EXT2: variants seen among roughly 807,000 people sequenced by gnomAD.
EXT2 encodes exostosin glycosyltransferase 2.
Under a neutral mutation model 81.6 loss-of-function variants are expected in EXT2, and 53 were observed. That is an observed-to-expected ratio of 0.65 (90% confidence interval 0.52 to 0.82). EXT2 has a LOEUF of 0.82. Among genes scored for constraint, EXT2 ranks in the 40% least tolerant of loss-of-function variants. The pLI is 0.00. For missense variants in EXT2, 774 were observed against 910.2 expected (o/e 0.85, Z 1.93); for synonymous variants, 320 against 340.0 (o/e 0.94, Z 0.65).
chr11:44,111,107 TCTC>T (rs1954136436), intron 3 of EXT2, among the ~76,000 whole-genome samples: 1 of 152,176 alleles, frequency 6.6e-6, no homozygotes, highest in South Asian at 2.1e-4. Flanking sequence ...TGCTTTAAGA[TCTC>T]CTAAAGTTCA....
At chr11:44,211,454 G>A (rs1955647205) in intron 10 of EXT2, among the ~76,000 whole-genome samples, 1 of 152,128 alleles carries the variant, frequency 6.6e-6, no homozygotes, top group Non-Finnish European at 1.5e-5. Flanking sequence ...CTTGAAAAAA[G>A]AATGAAATTT....
At chr11:44,223,681 G>T (rs548140167) in intron 10 of EXT2, among the ~76,000 whole-genome samples, 2 of 146,644 alleles carry the variant, frequency 1.4e-5, no homozygotes, top group Admixed American at 6.9e-5. Context: ...ACGGAGTCTC[G>T]CTCTGTCGCC....
chr11:44,206,920 C>A lies in EXT2; in HGVS notation c.1623C>A (p.Ile541=). The A allele has an allele frequency of 6.2e-7, 1 of 1,614,148 alleles. No individual in the cohort carries two copies. Among genetic ancestry groups the A allele is most frequent in the South Asian group, 1.1e-5 (1 of 91,070 alleles). ...TEAVLAIDDD[I]IMLTSDELQF... Reference sequence around the variant, plus strand: ...CTGTTCTGGCCATTGATGATGATATCATTATGCTGACCTCTGACGAGCTGC... The same window carrying A: ...CTGTTCTGGCCATTGATGATGATATAATTATGCTGACCTCTGACGAGCTGC... Residue 541 remains isoleucine (I), a synonymous_variant, in exon 10 of 14, where the codon ATC becomes ATA. Transcript: ENST00000533608.
intron 7 of EXT2, among the ~76,000 whole-genome samples, chr11:44,139,134 G>A (rs879098597): frequency 5.8e-5 from 5 of 86,816 alleles, no homozygotes; most frequent in Admixed American, 2.1e-4. Context: ...TTTTTTTTTT[G>A]CGTGTGTGTG....
chr11:44,181,289 C>G (rs1955232547), intron 8 of EXT2, among the ~76,000 whole-genome samples: 1 of 152,076 alleles, frequency 6.6e-6, no homozygotes, highest in Non-Finnish European at 1.5e-5. Context: ...ACCTTTGTAA[C>G]CTTTTTTTCC....
intron 8 of EXT2, among the ~76,000 whole-genome samples, chr11:44,189,089 C>T (rs1390073): frequency 0.57 from 86,761 of 152,044 alleles, 25,192 homozygotes; most frequent in Middle Eastern, 0.71. Context: ...GCTCTTGTGA[C>T]CCTGAGTTAG....
chr11:44,150,913 G>T (rs554179634), intron 7 of EXT2, among the ~76,000 whole-genome samples: 2 of 152,280 alleles, frequency 1.3e-5, no homozygotes, highest in South Asian at 4.1e-4. Context: ...GAGAGTTTTT[G>T]ATCTGTCTGG....
At chr11:44,201,343 C>A (rs911328847) in intron 9 of EXT2, among the ~76,000 whole-genome samples, 1 of 152,180 alleles carries the variant, frequency 6.6e-6, no homozygotes, top group African/African-American at 2.4e-5. Flanking sequence ...TCACAAGAAT[C>A]CATTTGTGAA....
Position 44,238,430 on chromosome 11 carries a change from C to T in EXT2, c.2018+2055C>T, listed in dbSNP as rs370265804. ...CTCCTGGCCTCAAGGTATCCTCTCG[C>T]CTGGGGCTCCCAAAGTGCTGGGATT... On this transcript the variant is annotated intron_variant, in intron 13 of 13. Coordinates refer to ENST00000533608, the MANE Select transcript of EXT2 (RefSeq NM_207122.2). Among the ~76,000 whole-genome samples, 21 of 152,230 alleles carry T rather than the reference C, an allele frequency of 1.4e-4. No homozygotes were observed. The East Asian group carries it at 3.1e-3, about 22-fold the overall frequency.
chr11:44,104,289 A>C (rs1954024691), intron 1 of EXT2, among the ~76,000 whole-genome samples: 1 of 152,154 alleles, frequency 6.6e-6, no homozygotes, highest in African/African-American at 2.4e-5. Flanking sequence ...AACACTGTGT[A>C]CTCACAGTAC....
intron 12 of EXT2, among the ~76,000 whole-genome samples, chr11:44,234,538 T>G (rs1196185376): frequency 6.6e-6 from 1 of 152,092 alleles, no homozygotes; most frequent in Non-Finnish European, 1.5e-5. Context: ...TTCTCAAAGC[T>G]GATATGGGTT....
chr11:44,136,532 G>A (rs1354006164), intron 7 of EXT2, among the ~76,000 whole-genome samples: 2 of 152,166 alleles, frequency 1.3e-5, no homozygotes, highest in African/African-American at 4.8e-5. Context: ...TGAAAAAGTG[G>A]TTGCTTGAGA....
rs1215047805 is a variant in EXT2 at position 44,243,618 on chromosome 11, C to CTTTTTTTTTTTTTTTTT, written c.2019-522_2019-506dup. Among the ~76,000 whole-genome samples the CTTTTTTTTTTTTTTTTT allele has an allele frequency of 1.1e-3, 81 of 72,894 alleles. 1 individual carries two copies. Among genetic ancestry groups the CTTTTTTTTTTTTTTTTT allele is most frequent in the Non-Finnish European group, 1.3e-3 (51 of 39,050 alleles). The allele number at this position is 72,894 out of a possible 152,430, so 47.8% of individuals were successfully genotyped here. On this transcript the variant is annotated intron_variant, in intron 13 of 13. Transcript: ENST00000533608. ...ATTGTTTGAAATTTGGCCCTGTCAC[C>CTTTTTTTTTTTTTTTTT]TTTTTTTTTTTTTTTTTTTTTTTTT... is the stretch of plus-strand genomic sequence containing the variant.
intron 7 of EXT2, among the ~76,000 whole-genome samples, chr11:44,164,165 A>G (rs1954962758): frequency 6.6e-6 from 1 of 152,070 alleles, no homozygotes; most frequent in Non-Finnish European, 1.5e-5. Flanking sequence ...CATCTATAAT[A>G]CTGGTTTTTC....
rs1472401440 is a variant in EXT2, at chr11:44,245,974, C to T, written c.*1687C>T. The stretch of plus-strand genomic sequence containing the variant: ...TGAAGTGATTTTTTTCAGTTTCTGA[C>T]AGCAGCAAACACAGGTGCTTACCAA... On this transcript the variant is annotated 3_prime_UTR_variant, in exon 14 of 14. Transcript: ENST00000533608. Among the ~76,000 whole-genome samples, 1 of 152,188 alleles carries T rather than the reference C, an allele frequency of 6.6e-6. No individual in the cohort carries two copies. Among genetic ancestry groups the T allele is most frequent in the African/African-American group, 2.4e-5 (1 of 41,436 alleles).
At chr11:44,134,426 G>A (rs559897587) in intron 7 of EXT2, among the ~76,000 whole-genome samples, 1 of 152,276 alleles carries the variant, frequency 6.6e-6, no homozygotes, top group East Asian at 1.9e-4. Flanking sequence ...GGGTCATTAA[G>A]GGTCTGAAAT....
intron 7 of EXT2, 90 bp downstream of exon 7, chr11:44,130,228 G>T: frequency 2.0e-6 from 2 of 1,007,848 alleles, no homozygotes; most frequent in Middle Eastern, 2.0e-4. Context: ...GAATGCCTGA[G>T]TGGGGTTTAC....
At chr11:44,127,680 A>G (rs767997295) in intron 6 of EXT2, among the ~76,000 whole-genome samples, 1 of 152,196 alleles carries the variant, frequency 6.6e-6, no homozygotes, top group Non-Finnish European at 1.5e-5. Context: ...AACTCTGACT[A>G]CAGAGTAGAC....
At chr11:44,158,663 T>C (rs1413737178) in intron 7 of EXT2, among the ~76,000 whole-genome samples, 1 of 151,598 alleles carries the variant, frequency 6.6e-6, no homozygotes, top group East Asian at 1.9e-4. Flanking sequence ...AGAATTTTAT[T>C]TGACCTTTGC....
Sources: gnomAD v4.1 joint callset for allele counts (sites outside exome capture counted in the v4.1 genomes callset) on GRCh38, gnomAD v4.1.1 for gene constraint, MANE v1.5 for transcripts, NCBI Gene and HGNC (gene_info 2026-07-23, HGNC 2026-07-21) for gene names.